TMEM71: variants seen among roughly 807,000 people sequenced by gnomAD.
TMEM71 encodes transmembrane protein 71.
Under a neutral mutation model 38.0 loss-of-function variants are expected in TMEM71, and 44 were observed. That is an observed-to-expected ratio of 1.16 (90% CI 0.91 to 1.49). TMEM71 has a LOEUF of 1.49. Among genes scored for constraint, TMEM71 ranks in the 40% most tolerant of loss-of-function variants. The pLI is 0.00. For missense variants in TMEM71, 367 were observed against 348.6 expected, an observed-to-expected ratio of 1.05 and a Z score of -0.42; for synonymous variants, 133 against 122.5, an observed-to-expected ratio of 1.09 and a Z score of -0.56.
rs577846519 is a variant in TMEM71 at position 132,744,170 on chromosome 8, CT to C, written c.487+2771del. On this transcript the variant is annotated intron_variant, in intron 5 of 9. Transcript: ENST00000677595. ...TTGTTTATATTCATCTTTCTATCCCCTGACCTACCACAGTGCCTGGAAAATG... is the reference window on the plus strand; with the variant it reads ...TTGTTTATATTCATCTTTCTATCCCCGACCTACCACAGTGCCTGGAAAATG... Among the ~76,000 whole-genome samples the C allele has an allele frequency of 3.1e-4, 47 of 152,316 alleles. No individual in the cohort carries two copies. The East Asian group carries it at 8.5e-3, about 27-fold the overall frequency.
chr8:132,743,596 T>G (rs919625336), intron 5 of TMEM71, among the ~76,000 whole-genome samples: 74 of 152,206 alleles, frequency 4.9e-4, no homozygotes, highest in African/African-American at 1.6e-3. Context: ...GTTCACAACA[T>G]TCCATTTTAG....
In TMEM71 at chr8:132,722,069, AG is replaced by A. The variant is rs1826884004; in HGVS notation, c.722del (p.Ala241ValfsTer4). On this transcript the variant is annotated frameshift_variant, in exon 7 of 10. Transcript: ENST00000677595. LOFTEE classifies it high-confidence loss of function. ...CACATGCAGAAATGATTAAGCACAC[AG>A]CAAGCAGGATTGCCTGAAAGAAGAC... ...QEVFFQAILL[A>X]VCLIISACAR... 1.2e-6 allele frequency: 2 copies of A among 1,614,146 alleles called. No homozygotes were observed. Among genetic ancestry groups the A allele is most frequent in the Non-Finnish European group, 1.7e-6 (2 of 1,180,004 alleles).
chr8:132,756,623 G>C (rs1167982555), intron 3 of TMEM71, among the ~76,000 whole-genome samples: 1 of 151,334 alleles, frequency 6.6e-6, no homozygotes, highest in Non-Finnish European at 1.5e-5. Flanking sequence ...GACTCGCTCT[G>C]TTGCCCAAGC....
intron 5 of TMEM71, among the ~76,000 whole-genome samples, chr8:132,734,153 T>TAC (rs35673804): frequency 0.14 from 21,456 of 148,784 alleles, 1,683 homozygotes; most frequent in East Asian, 0.32. Flanking sequence ...GTTATGTTCT[T>TAC]ACACACACAC....
At chr8:132,752,200 G>T (rs1038349342) in intron 3 of TMEM71, among the ~76,000 whole-genome samples, 3 of 152,156 alleles carry the variant, frequency 2.0e-5, no homozygotes, top group Non-Finnish European at 2.9e-5. Context: ...AAACTTTAGC[G>T]TTTCTTTCTA....
intron 2 of TMEM71, among the ~76,000 whole-genome samples, chr8:132,757,817 TTC>T (rs1829111594): frequency 8.6e-6 from 1 of 116,034 alleles, no homozygotes; most frequent in Admixed American, 9.9e-5. Flanking sequence ...CAGAGCAAGA[TTC>T]TGTCTCAAAA....
chr8:132,768,731 C>G, the TMEM71 span, among the ~76,000 whole-genome samples: 6 of 152,202 alleles, frequency 3.9e-5, no homozygotes, highest in African/African-American at 1.4e-4. Flanking sequence ...AGGCAAACCA[C>G]GAGCTGTGCA....
the TMEM71 span, among the ~76,000 whole-genome samples, chr8:132,773,931 TC>T: frequency 1.3e-5 from 2 of 152,218 alleles, no homozygotes; most frequent in African/African-American, 4.8e-5. Context: ...TTTATTTTTT[TC>T]CTTATACAAC....
upstream of TMEM71, among the ~76,000 whole-genome samples, chr8:132,764,120 G>A (rs929632425): frequency 6.6e-5 from 10 of 152,118 alleles, no homozygotes; most frequent in Non-Finnish European, 1.2e-4. Context: ...TTTTGAACAC[G>A]GACTTGAAAT....
Position 132,735,713 on chromosome 8 carries a change from GA to G in TMEM71, c.488-7728del, listed in dbSNP as rs140007604. Among the ~76,000 whole-genome samples, 134 of 152,266 alleles carry G rather than the reference GA, an allele frequency of 8.8e-4. No individual in the cohort carries two copies. The East Asian group carries it at 0.018, about 21-fold the overall frequency. On this transcript the variant is annotated intron_variant, in intron 5 of 9. Transcript: ENST00000677595. Reference sequence around the variant, plus strand: ...GACATATTTCAAAGAGACAACGAAGGAAAAATTAGATGTTAATTTCTAAATA... The same window carrying G: ...GACATATTTCAAAGAGACAACGAAGGAAAATTAGATGTTAATTTCTAAATA...
At chr8:132,740,590 A>G (rs1388619554) in intron 5 of TMEM71, among the ~76,000 whole-genome samples, 1 of 152,252 alleles carries the variant, frequency 6.6e-6, no homozygotes. Context: ...TCATAAATGA[A>G]TTACAGCAGA....
chr8:132,748,737 C>T (rs1248837725), intron 4 of TMEM71, among the ~76,000 whole-genome samples: 1 of 152,210 alleles, frequency 6.6e-6, no homozygotes, highest in Admixed American at 6.5e-5. Flanking sequence ...GATGGGCACT[C>T]ATCAAATTTG....
chr8:132,721,681 G>T (rs759463943), intron 7 of TMEM71, among the ~76,000 whole-genome samples: 9 of 151,824 alleles, frequency 5.9e-5, no homozygotes, highest in Non-Finnish European at 1.3e-4. Context: ...TGAGTAGCTG[G>T]CATTACAGGC....
chr8:132,707,586 G>A (rs768365179), downstream of TMEM71, among the ~76,000 whole-genome samples: 53 of 152,046 alleles, frequency 3.5e-4, no homozygotes, highest in Admixed American at 2.0e-4. Context: ...TCCTCCCTTT[G>A]GCCTTCTCTC....
At chr8:132,749,551 C>G (rs1051764064) in intron 4 of TMEM71, among the ~76,000 whole-genome samples, 6 of 152,174 alleles carry the variant, frequency 3.9e-5, no homozygotes, top group African/African-American at 1.4e-4. Flanking sequence ...CACATTCTTT[C>G]TACTTTTACC....
the TMEM71 span, among the ~76,000 whole-genome samples, chr8:132,773,989 T>C: frequency 6.6e-6 from 1 of 152,238 alleles, no homozygotes; most frequent in Non-Finnish European, 1.5e-5. Flanking sequence ...TCATAATCTG[T>C]CTAGAACCTG....
chr8:132,739,183 C>A (rs1486212188), intron 5 of TMEM71, among the ~76,000 whole-genome samples: 1 of 152,194 alleles, frequency 6.6e-6, no homozygotes, highest in Non-Finnish European at 1.5e-5. Flanking sequence ...CTTGCTCTTT[C>A]GGCCTGCACT....
At chr8:132,747,136 G>T in intron 4 of TMEM71, 22 bp from the exon 5 acceptor site, 1 of 1,558,430 alleles carries the variant, frequency 6.4e-7, no homozygotes, top group Non-Finnish European at 8.7e-7. Context: ...TGAAAGCATG[G>T]TGAACAACGA....
chr8:132,731,970 G>A (rs1827482784), intron 5 of TMEM71, among the ~76,000 whole-genome samples: 1 of 152,198 alleles, frequency 6.6e-6, no homozygotes. Context: ...GAGGAATTGG[G>A]AGGTGGAGCA....
Sources: gnomAD v4.1 joint callset for allele counts (sites outside exome capture counted in the v4.1 genomes callset) on GRCh38, gnomAD v4.1.1 for gene constraint, MANE v1.5 for transcripts, NCBI Gene and HGNC (gene_info 2026-07-23, HGNC 2026-07-21) for gene names.